TMEM132C: variants seen among roughly 807,000 people sequenced by gnomAD.
TMEM132C encodes the protein transmembrane protein 132C.
Under a neutral mutation model 61.4 loss-of-function variants are expected in TMEM132C, and 29 were observed. The ratio of observed to expected loss-of-function variants is 0.47; its 90% CI spans 0.35 to 0.64. TMEM132C has a LOEUF of 0.64. TMEM132C is among the 30% of genes least tolerant of loss of function. TMEM132C has a pLI of 0.00. For missense variants in TMEM132C, 1,408 were observed against 1,476.9 expected (o/e 0.95, Z 0.76); for synonymous variants, 656 against 633.1 (o/e 1.04, Z -0.54).
chr12:128,705,973 C>T lies in TMEM132C; in HGVS notation c.3005C>T (p.Pro1002Leu), dbSNP rs1026852551. 10 of 1,551,582 alleles carry T rather than the reference C, an allele frequency of 6.4e-6. No homozygotes were observed. The highest frequency in any genetic ancestry group is 2.4e-5 in the South Asian group (2 of 84,054). The change falls in exon 9 of 9, where the codon CCG becomes CTG. Residue 1002 changes from proline to leucine, a missense_variant. By Grantham distance (98) the Pro-to-Leu change is moderately conservative (BLOSUM62 -3). Transcript: ENST00000435159. ...CACACCACCATCATAGACCGCGGACCGGGGGCCTGCGAGGAGAGCAACCAT... is the reference window on the plus strand; with the variant it reads ...CACACCACCATCATAGACCGCGGACTGGGGGCCTGCGAGGAGAGCAACCAT... ...DEHTTIIDRG[P>L]GACEESNHLL...
rs543477422 is a variant in TMEM132C at position 128,700,113 on chromosome 12, G to C, written c.2121+2698G>C. ...TGGCATTGCAACCCCCTTGGCATGG[G>C]GTATGGCCGGCCGCTCCCCATCTCC... On this transcript the variant is annotated intron_variant, in intron 8 of 8. Coordinates refer to ENST00000435159, the MANE Select transcript of TMEM132C (RefSeq NM_001136103.3). 6.6e-5 allele frequency among the ~76,000 whole-genome samples: 10 copies of C among 152,276 alleles called. No individual in the cohort carries two copies. In the East Asian group the frequency reaches 1.9e-3, roughly 29 times the overall value.
chr12:128,659,146 C>G (rs1187697506), intron 4 of TMEM132C, among the ~76,000 whole-genome samples: 1 of 152,198 alleles, frequency 6.6e-6, no homozygotes, highest in Non-Finnish European at 1.5e-5. Context: ...TTGCAGGACA[C>G]AGTCTCTGTT....
intron 2 of TMEM132C, among the ~76,000 whole-genome samples, chr12:128,453,518 C>G (rs1407709219): frequency 6.6e-6 from 1 of 152,134 alleles, no homozygotes; most frequent in Non-Finnish European, 1.5e-5. Flanking sequence ...CACTGCTGGG[C>G]TCAAAGAGTC....
chr12:128,691,271 G>T (rs755755406), intron 5 of TMEM132C, among the ~76,000 whole-genome samples: 3 of 152,228 alleles, frequency 2.0e-5, no homozygotes, highest in Non-Finnish European at 2.9e-5. Context: ...GCACTTTCTA[G>T]AAACTTTTGA....
intron 1 of TMEM132C, among the ~76,000 whole-genome samples, chr12:128,274,921 G>A (rs75204716): frequency 0.058 from 8,802 of 152,114 alleles, 771 homozygotes; most frequent in African/African-American, 0.19. Flanking sequence ...GATTGTGTAG[G>A]CCCATCTCTA....
At chr12:128,495,364 G>A (rs1871906437) in intron 2 of TMEM132C, among the ~76,000 whole-genome samples, 1 of 152,126 alleles carries the variant, frequency 6.6e-6, no homozygotes, top group African/African-American at 2.4e-5. Context: ...GCTTGGTGCA[G>A]AGCTGAGTTC....
chr12:128,559,371 C>T (rs1366306312), intron 3 of TMEM132C, among the ~76,000 whole-genome samples: 2 of 152,046 alleles, frequency 1.3e-5, no homozygotes, highest in African/African-American at 4.8e-5. Flanking sequence ...AGGTTATTCT[C>T]AGGTTTTTTG....
intron 3 of TMEM132C, among the ~76,000 whole-genome samples, chr12:128,574,411 A>T (rs1374323437): frequency 6.6e-6 from 1 of 152,216 alleles, no homozygotes; most frequent in Admixed American, 6.5e-5. Flanking sequence ...TACCATAGAG[A>T]AACCGTTATT....
At chr12:128,350,026 C>T (rs370549232) in intron 1 of TMEM132C, among the ~76,000 whole-genome samples, 2 of 152,216 alleles carry the variant, frequency 1.3e-5, no homozygotes, top group African/African-American at 4.8e-5. Flanking sequence ...TCTAAAATAG[C>T]CGCCTGTGAG....
chr12:128,276,632 C>G (rs1438394193), intron 1 of TMEM132C, among the ~76,000 whole-genome samples: 1 of 152,176 alleles, frequency 6.6e-6, no homozygotes, highest in Non-Finnish European at 1.5e-5. Context: ...TCTCCCAACT[C>G]TGCAGTTGAC....
chr12:128,344,944 A>G (rs1283437532), intron 1 of TMEM132C, among the ~76,000 whole-genome samples: 1 of 123,528 alleles, frequency 8.1e-6, no homozygotes, highest in East Asian at 2.3e-4. Context: ...TTTTTTTTTA[A>G]ATTTCCAGCT....
rs1240987941 is a variant in TMEM132C, at chr12:128,705,258, G to A, written c.2290G>A (p.Gly764Ser). ...GCCCGTTGTGGTGGCCGAAGGGGAA[G>A]GCCAGGGCCCACTGATCCGAGTGGA... is the stretch of plus-strand genomic sequence containing the variant. ...RWPVVVAEGEGQGPLIRVDMT... is the reference protein window; with the variant it reads ...RWPVVVAEGESQGPLIRVDMT... The change falls in exon 9 of 9, where the codon GGC becomes AGC. Residue 764 changes from glycine to serine, a missense_variant. By Grantham distance (56) the Gly-to-Ser change is moderately conservative. Coordinates refer to ENST00000435159, the MANE Select transcript of TMEM132C (RefSeq NM_001136103.3). 2.6e-6 allele frequency: 4 copies of A among 1,551,690 alleles called. No individual in the cohort carries two copies. The highest frequency in any genetic ancestry group is 4.9e-5 in the East Asian group (2 of 40,918).
Position 128,432,077 on chromosome 12 carries a change from T to C in TMEM132C, c.974+16457T>C, listed in dbSNP as rs558266917. Among the ~76,000 whole-genome samples the C allele has an allele frequency of 3.9e-5, 6 of 152,324 alleles. 1 individual carries two copies. The highest frequency in any genetic ancestry group is 1.4e-4 in the African/African-American group (6 of 41,572). The stretch of plus-strand genomic sequence containing the variant: ...GGCTTACTAAATATTTTAGGCCCAC[T>C]GTTGAGACCCAGCGCTCAGAAAAAC... On this transcript the variant is annotated intron_variant, in intron 2 of 8. Transcript: ENST00000435159.
intron 1 of TMEM132C, among the ~76,000 whole-genome samples, chr12:128,349,592 G>A (rs571113130): frequency 1.3e-4 from 20 of 152,252 alleles, no homozygotes; most frequent in Middle Eastern, 3.4e-3. Flanking sequence ...ATAGGTTCTT[G>A]TCAAATTGCC....
intron 3 of TMEM132C, among the ~76,000 whole-genome samples, chr12:128,604,044 G>A (rs780480491): frequency 4.8e-4 from 73 of 152,236 alleles, no homozygotes; most frequent in Admixed American, 1.8e-3. Flanking sequence ...TTTTCCCTCC[G>A]TGTCTCTCTC....
chr12:128,658,412 G>A (rs930696359), intron 4 of TMEM132C, among the ~76,000 whole-genome samples: 3 of 152,204 alleles, frequency 2.0e-5, no homozygotes, highest in South Asian at 2.1e-4. Context: ...AACCTGCCAC[G>A]TGAGCGGTGT....
intron 1 of TMEM132C, among the ~76,000 whole-genome samples, chr12:128,397,243 G>C (rs895254741): frequency 6.6e-6 from 1 of 152,196 alleles, no homozygotes; most frequent in Non-Finnish European, 1.5e-5. Context: ...TGTGCCCAGG[G>C]GCCATAGGGT....
chr12:128,282,242 A>G (rs1208647214), intron 1 of TMEM132C, among the ~76,000 whole-genome samples: 1 of 152,242 alleles, frequency 6.6e-6, no homozygotes, highest in Non-Finnish European at 1.5e-5. Context: ...GAGAATTACC[A>G]CTGCTGCATT....
intron 1 of TMEM132C, among the ~76,000 whole-genome samples, chr12:128,316,982 G>C (rs1179116970): frequency 6.6e-6 from 1 of 152,114 alleles, no homozygotes; most frequent in African/African-American, 2.4e-5. Flanking sequence ...TTTTTGAATA[G>C]CTATCACCCT....
Sources: allele counts gnomAD v4.1 joint callset (sites outside exome capture counted in the v4.1 genomes callset), GRCh38; gene constraint gnomAD v4.1.1; transcripts MANE v1.5; gene names NCBI Gene and HGNC (gene_info 2026-07-23, HGNC 2026-07-21).